RIC8B: variants seen among roughly 807,000 people sequenced by gnomAD.
The protein encoded by RIC8B is RIC8 guanine nucleotide exchange factor B.
A neutral mutation model predicts 57.5 loss-of-function variants in RIC8B; 16 were observed. The observed-to-expected ratio is 0.28, with a 90% CI of 0.19 to 0.42. RIC8B has a LOEUF of 0.42. Among genes scored for constraint, RIC8B ranks in the 10% least tolerant of loss-of-function variants. The pLI, the probability that RIC8B is intolerant of heterozygous loss-of-function variation, is 1.00. For missense variants in RIC8B, 481 were observed against 677.0 expected, an observed-to-expected ratio of 0.71 and a Z score of 3.21; for synonymous variants, 216 against 250.8, an observed-to-expected ratio of 0.86 and a Z score of 1.31.
chr12:106,813,664 C>T (rs1049637780), intron 2 of RIC8B, among the ~76,000 whole-genome samples: 2 of 152,030 alleles, frequency 1.3e-5, no homozygotes. Context: ...ACAATGGGAC[C>T]CACAGGCAGC....
At chr12:106,855,286 G>T (rs1225234016) in intron 7 of RIC8B, among the ~76,000 whole-genome samples, 3 of 152,290 alleles carry the variant, frequency 2.0e-5, no homozygotes, top group Non-Finnish European at 1.5e-5. Flanking sequence ...TCCCTTTCCT[G>T]TTGATCATTT....
intron 4 of RIC8B, among the ~76,000 whole-genome samples, chr12:106,832,755 C>T (rs1248200951): frequency 2.6e-5 from 4 of 152,090 alleles, no homozygotes; most frequent in Non-Finnish European, 5.9e-5. Context: ...CAAGCAGGAT[C>T]GTTCTTAAAC....
At chr12:106,804,280 T>C (rs1489202250) in intron 2 of RIC8B, among the ~76,000 whole-genome samples, 2 of 151,494 alleles carry the variant, frequency 1.3e-5, no homozygotes, top group East Asian at 3.9e-4. Context: ...AATGGCGTGA[T>C]CTCTGCTCAC....
chr12:106,803,752 G>A (rs1313231464), intron 2 of RIC8B, among the ~76,000 whole-genome samples: 5 of 152,170 alleles, frequency 3.3e-5, no homozygotes, highest in Non-Finnish European at 7.3e-5. Flanking sequence ...AAACACTAAT[G>A]TTGGAGAGAA....
At chr12:106,855,955 C>T (rs916397177) in intron 7 of RIC8B, among the ~76,000 whole-genome samples, 1 of 152,122 alleles carries the variant, frequency 6.6e-6, no homozygotes, top group East Asian at 1.9e-4. Flanking sequence ...CCATGCCCTT[C>T]GACCTTTTCA....
At chr12:106,850,491 G>GGTGA (rs1338388782) in intron 6 of RIC8B, among the ~76,000 whole-genome samples, 5 of 152,162 alleles carry the variant, frequency 3.3e-5, no homozygotes, top group Non-Finnish European at 4.4e-5. Flanking sequence ...TGGATGAATG[G>GGTGA]GTGAGTGAGT....
intron 1 of RIC8B, among the ~76,000 whole-genome samples, chr12:106,782,280 A>T (rs1467819378): frequency 6.6e-6 from 1 of 152,174 alleles, no homozygotes; most frequent in African/African-American, 2.4e-5. Flanking sequence ...GATCAGTAGG[A>T]TAAATTCCTA....
chr12:106,795,746 A>G (rs146018654), intron 2 of RIC8B, among the ~76,000 whole-genome samples: 1,594 of 152,248 alleles, frequency 0.01, 8 homozygotes, highest in Non-Finnish European at 0.016. Flanking sequence ...AGAAAGGAAA[A>G]TAATTTGGGG....
chr12:106,786,490 T>A (rs1487872660), intron 2 of RIC8B, among the ~76,000 whole-genome samples: 1 of 152,124 alleles, frequency 6.6e-6, no homozygotes, highest in Admixed American at 6.5e-5. Context: ...AAATAAATAC[T>A]CATATATCTG....
At chr12:106,860,111 AG>A (rs1032473778) in intron 7 of RIC8B, among the ~76,000 whole-genome samples, 156 bp from the exon 8 acceptor site, 1 of 152,150 alleles carries the variant, frequency 6.6e-6, no homozygotes, top group African/African-American at 2.4e-5. Context: ...AAAATTTGTA[AG>A]TAGTTCAGTA....
At chr12:106,873,732 A>G (rs2136619954) in intron 9 of RIC8B, among the ~76,000 whole-genome samples, 1 of 152,344 alleles carries the variant, frequency 6.6e-6, no homozygotes, top group East Asian at 1.9e-4. Flanking sequence ...GAAGGAAATA[A>G]TGACAAAATG....
At chr12:106,857,276 C>G (rs1361864512) in intron 7 of RIC8B, among the ~76,000 whole-genome samples, 18 of 152,128 alleles carry the variant, frequency 1.2e-4, no homozygotes, top group Non-Finnish European at 2.9e-5. Context: ...CTAAAAGTTA[C>G]AGCATTTGAC....
At chr12:106,863,515 T>C (rs1452884170) in intron 8 of RIC8B, among the ~76,000 whole-genome samples, 1 of 152,090 alleles carries the variant, frequency 6.6e-6, no homozygotes, top group Non-Finnish European at 1.5e-5. Context: ...AGTCTTTTTA[T>C]AGTTGTCTCA....
rs548739139 is a variant in RIC8B at position 106,875,821 on chromosome 12, G to A, written c.1571+4879G>A. The stretch of plus-strand genomic sequence containing the variant: ...GTTGCCAGTCATTGTGTACTATTTG[G>A]AACATGACTTTTATAATAAATGCAG... On this transcript the variant is annotated intron_variant, in intron 9 of 9. Transcript: ENST00000392837. 2.0e-5 allele frequency among the ~76,000 whole-genome samples: 3 copies of A among 151,914 alleles called. No homozygotes were observed. In the South Asian group the frequency reaches 6.3e-4, roughly 32 times the overall value.
intron 2 of RIC8B, among the ~76,000 whole-genome samples, chr12:106,809,687 C>CA (rs141764944): frequency 0.12 from 18,386 of 149,502 alleles, 1,232 homozygotes; most frequent in Middle Eastern, 0.16. Flanking sequence ...AAATTTGAAA[C>CA]AAAAAAAAAA....
chr12:106,788,834 G>C (rs1369178270), intron 2 of RIC8B, among the ~76,000 whole-genome samples: 1 of 152,158 alleles, frequency 6.6e-6, no homozygotes, highest in Non-Finnish European at 1.5e-5. Context: ...CCTATGACAT[G>C]CCCTGGAGAC....
At chr12:106,868,602 A>G (rs1458902843) in intron 8 of RIC8B, among the ~76,000 whole-genome samples, 2 of 152,132 alleles carry the variant, frequency 1.3e-5, no homozygotes, top group African/African-American at 4.8e-5. Flanking sequence ...CATAGTTCTC[A>G]GAAGCCTTGT....
chr12:106,842,599 A>G lies in RIC8B; in HGVS notation c.847A>G (p.Asn283Asp). The G allele has an allele frequency of 1.2e-6, 2 of 1,613,058 alleles. No individual in the cohort carries two copies. The highest frequency in any genetic ancestry group is 1.7e-6 in the Non-Finnish European group (2 of 1,179,366). Residue 283 changes from asparagine (N) to aspartate (D), a missense_variant, in exon 5 of 10, where the codon AAC (asparagine) becomes GAC (aspartate). Physicochemically the swap from Asn to Asp is conservative, Grantham distance 23. Coordinates refer to ENST00000392837, the MANE Select transcript of RIC8B (RefSeq NM_001330145.2). ...TTAATTGCTTTTCAGCAATGCAGTCAACCTTTTAAGCAATGTTCCAGTCTC... is the reference window on the plus strand; with the variant it reads ...TTAATTGCTTTTCAGCAATGCAGTCGACCTTTTAAGCAATGTTCCAGTCTC... ...KTEELHSNAV[N>D]LLSNVPVSCL...
At chr12:106,860,614 G>T (rs559762398) in intron 8 of RIC8B, among the ~76,000 whole-genome samples, 66 of 152,230 alleles carry the variant, frequency 4.3e-4, no homozygotes, top group African/African-American at 1.4e-3. Flanking sequence ...TGCAAGAAAT[G>T]ATATTTTCAA....
Sources: gnomAD v4.1 joint callset for allele counts (sites outside exome capture counted in the v4.1 genomes callset) on GRCh38, gnomAD v4.1.1 for gene constraint, MANE v1.5 for transcripts, NCBI Gene and HGNC (gene_info 2026-07-23, HGNC 2026-07-21) for gene names.